DMD: variants seen among roughly 807,000 people sequenced by gnomAD.
DMD encodes the protein dystrophin.
In DMD, 63 loss-of-function variants were observed where a neutral mutation model predicts 330.1. The ratio of observed to expected loss-of-function variants is 0.19; its 90% confidence interval spans 0.16 to 0.24. The LOEUF is 0.24. Ranked by LOEUF, DMD falls within the 10% of genes least tolerant of loss-of-function variation. The pLI is 1.00. For missense variants in DMD, 3,344 were observed against 2,684.1 expected, an observed-to-expected ratio of 1.25 and a Z score of -5.43; for synonymous variants, 1,223 against 959.8, an observed-to-expected ratio of 1.27 and a Z score of -5.07.
chrX:31,926,600 C>T (rs900973556), intron 47 of DMD, among the ~76,000 whole-genome samples: 2 of 110,034 alleles, frequency 1.8e-5, no homozygotes, highest in South Asian at 3.9e-4. Flanking sequence ...CACTTGAACC[C>T]GGGAGGTGGA....
chrX:32,560,310 C>G lies in DMD; in HGVS notation c.1992+5392G>C, dbSNP rs1042065990. On this transcript the variant is annotated intron_variant, in intron 16 of 78. Coordinates refer to ENST00000357033, the MANE Select transcript of DMD (RefSeq NM_004006.3). ...TAATATGATAATTACAATTAGCATA[C>G]CAAATTGTAAAGCATATGACTAATA... is the stretch of plus-strand genomic sequence containing the variant. Among the ~76,000 whole-genome samples the G allele has an allele frequency of 7.2e-5, 8 of 110,520 alleles. No homozygotes were observed. In the Admixed American group the frequency reaches 7.8e-4, roughly 11 times the overall value.
intron 1 of DMD, among the ~76,000 whole-genome samples, chrX:33,275,794 G>A (rs1362661134): frequency 9.0e-6 from 1 of 111,638 alleles, no homozygotes; most frequent in Non-Finnish European, 1.9e-5. Context: ...AGAAAATTGG[G>A]AAAATATTGG....
At position 32,614,959 on chromosome X, in the gene DMD, G is replaced by C. The variant is rs191491556; in HGVS notation, c.1332-506C>G. On this transcript the variant is annotated intron_variant, in intron 11 of 78. Coordinates refer to ENST00000357033, the MANE Select transcript of DMD (RefSeq NM_004006.3). ...GGCTATAAAAGAACTGGCAGCATTT[G>C]TATTTCTTCCTCTCTTGAAGCCTAG... Among the ~76,000 whole-genome samples, 23 of 110,414 alleles carry C rather than the reference G, an allele frequency of 2.1e-4. No individual in the cohort carries two copies. In the East Asian group the frequency reaches 6.3e-3, roughly 30 times the overall value.
chrX:32,062,973 G>A (rs780368707), intron 44 of DMD, among the ~76,000 whole-genome samples: 1 of 110,859 alleles, frequency 9.0e-6, no homozygotes, highest in African/African-American at 3.3e-5. Flanking sequence ...ACACTAATCT[G>A]AGTTTTTTAA....
At chrX:32,599,904 A>T (rs2055998658) in intron 12 of DMD, among the ~76,000 whole-genome samples, 1 of 112,066 alleles carries the variant, frequency 8.9e-6, no homozygotes, top group Non-Finnish European at 1.9e-5. Flanking sequence ...AATGTCAAAT[A>T]ATGTATTTTT....
chrX:31,184,262 T>C (rs1005132119), intron 67 of DMD, among the ~76,000 whole-genome samples: 1 of 112,317 alleles, frequency 8.9e-6, no homozygotes, highest in African/African-American at 3.2e-5. Context: ...TATTTTGTTT[T>C]TGAATACTGA....
intron 13 of DMD, among the ~76,000 whole-genome samples, chrX:32,575,324 A>G (rs892359271): frequency 1.8e-5 from 2 of 112,474 alleles, no homozygotes; most frequent in Non-Finnish European, 1.9e-5. Flanking sequence ...CAGTATTAAC[A>G]TAATCATGTA....
chrX:33,072,022 G>A lies in DMD; in HGVS notation c.32-51822C>T, dbSNP rs1004719969. Among the ~76,000 whole-genome samples the A allele has an allele frequency of 3.6e-5, 4 of 112,294 alleles. No homozygotes were observed. The South Asian group carries it at 1.4e-3, about 41-fold the overall frequency. On this transcript the variant is annotated intron_variant, in intron 1 of 78. Coordinates refer to ENST00000357033, the MANE Select transcript of DMD (RefSeq NM_004006.3). ...GTGCCATTTAGAGGACAAAAATGAA[G>A]CCAGCTAGACTTGAAAATGTGTTCA...
intron 60 of DMD, among the ~76,000 whole-genome samples, chrX:31,426,974 T>A (rs2148976608): frequency 8.9e-6 from 1 of 112,376 alleles, no homozygotes; most frequent in Non-Finnish European, 1.9e-5. Flanking sequence ...CATTAAAAAC[T>A]TTCTGTCCCT....
At chrX:33,241,754 C>A (rs921178810) in intron 1 of DMD, among the ~76,000 whole-genome samples, 2 of 110,431 alleles carry the variant, frequency 1.8e-5, no homozygotes, top group African/African-American at 6.6e-5. Flanking sequence ...AAATTTATTC[C>A]TTTTTTTGTG....
At chrX:32,959,881 A>T (rs1454041942) in intron 2 of DMD, among the ~76,000 whole-genome samples, 1 of 111,909 alleles carries the variant, frequency 8.9e-6, no homozygotes, top group Non-Finnish European at 1.9e-5. Context: ...CCAGGAAATA[A>T]CTATGACTGT....
At chrX:33,099,564 A>G (rs1330313730) in intron 1 of DMD, among the ~76,000 whole-genome samples, 9 of 111,695 alleles carry the variant, frequency 8.1e-5, no homozygotes, top group African/African-American at 2.9e-4. Flanking sequence ...CTATTAATTA[A>G]GGATTTGTTC....
chrX:32,947,026 G>A (rs183461817), intron 2 of DMD, among the ~76,000 whole-genome samples: 255 of 112,154 alleles, frequency 2.3e-3, no homozygotes, highest in Non-Finnish European at 3.7e-3. Context: ...TATGTATTTC[G>A]TAAACGCAGC....
intron 44 of DMD, among the ~76,000 whole-genome samples, chrX:31,977,706 T>C (rs1348543709): frequency 9.2e-6 from 1 of 108,752 alleles, no homozygotes; most frequent in African/African-American, 3.4e-5. Context: ...AATACTACTC[T>C]CCTTCATGGA....
At chrX:33,097,707 C>T (rs1248436178) in intron 1 of DMD, among the ~76,000 whole-genome samples, 2 of 105,635 alleles carry the variant, frequency 1.9e-5, no homozygotes, top group Non-Finnish European at 3.9e-5. Context: ...CCTCTGCCTC[C>T]CAGGCTCAAG....
intron 4 of DMD, among the ~76,000 whole-genome samples, chrX:32,839,590 A>AC (rs2079973292): frequency 8.9e-6 from 1 of 112,094 alleles, no homozygotes; most frequent in Non-Finnish European, 1.9e-5. Flanking sequence ...TATAGAACAC[A>AC]CCCAAGCTCA....
At chrX:32,249,202 C>T (rs1033175267) in intron 43 of DMD, among the ~76,000 whole-genome samples, 70 of 111,679 alleles carry the variant, frequency 6.3e-4, no homozygotes, top group African/African-American at 2.2e-3. Context: ...AATGTGAACA[C>T]AACAGTAAAA....
chrX:33,239,123 G>C (rs1243261738), intron 1 of DMD, among the ~76,000 whole-genome samples: 4 of 107,453 alleles, frequency 3.7e-5, no homozygotes, highest in Non-Finnish European at 7.7e-5. Context: ...TGGGTGTGGT[G>C]GTGGGCGCCT....
intron 52 of DMD, among the ~76,000 whole-genome samples, chrX:31,705,033 G>A (rs2084078280): frequency 8.9e-6 from 1 of 112,186 alleles, no homozygotes; most frequent in African/African-American, 3.2e-5. Context: ...AGCTCCCAGT[G>A]GCCTTGTGAG....
Sources: gnomAD v4.1 joint callset for allele counts (sites outside exome capture counted in the v4.1 genomes callset) on GRCh38, gnomAD v4.1.1 for gene constraint, MANE v1.5 for transcripts, NCBI Gene and HGNC (gene_info 2026-07-23, HGNC 2026-07-21) for gene names.